The following GRIP1 variants were observed in gnomAD, a reference collection of about 807,000 sequenced individuals.
GRIP1 encodes the protein glutamate receptor-interacting protein 1.
In GRIP1, 45 loss-of-function variants were observed where a neutral mutation model predicts 129.9. The ratio of observed to expected loss-of-function variants is 0.35; its 90% CI spans 0.27 to 0.44. The LOEUF is 0.44. Ranked by LOEUF, GRIP1 falls within the 20% of genes least tolerant of loss-of-function variation. The pLI, the probability that GRIP1 is intolerant of heterozygous loss-of-function variation, is 1.00. For synonymous variants in GRIP1, 530 were observed against 520.8 expected, an observed-to-expected ratio of 1.02 and a Z score of -0.24; for missense variants, 1,196 against 1,396.8, an observed-to-expected ratio of 0.86 and a Z score of 2.29.
chr12:66,732,626 T>C (rs1248381477), intron 1 of GRIP1, among the ~76,000 whole-genome samples: 1 of 152,052 alleles, frequency 6.6e-6, no homozygotes, highest in East Asian at 1.9e-4. Context: ...AGGAAATACA[T>C]TTTCTCTTGC....
At chr12:66,591,378 C>A (rs955626338) in intron 2 of GRIP1, among the ~76,000 whole-genome samples, 1 of 152,178 alleles carries the variant, frequency 6.6e-6, no homozygotes, top group Non-Finnish European at 1.5e-5. Context: ...GCAGAGTACA[C>A]CCGGCCCTTA....
At chr12:66,512,075 T>C (rs1171072057) in intron 7 of GRIP1, among the ~76,000 whole-genome samples, 1 of 152,112 alleles carries the variant, frequency 6.6e-6, no homozygotes, top group Non-Finnish European at 1.5e-5. Flanking sequence ...AAGATGTGCC[T>C]TGCTTCTCCA....
intron 7 of GRIP1, among the ~76,000 whole-genome samples, chr12:66,469,422 T>C (rs1281242301): frequency 6.6e-6 from 1 of 152,220 alleles, no homozygotes; most frequent in Non-Finnish European, 1.5e-5. Context: ...AAAGTGATTC[T>C]TGATAACTAT....
intron 1 of GRIP1, among the ~76,000 whole-genome samples, chr12:66,729,863 C>G (rs113152738): frequency 6.6e-6 from 1 of 152,126 alleles, no homozygotes; most frequent in Non-Finnish European, 1.5e-5. Flanking sequence ...AGTGAGCCAC[C>G]GCACCCAGCC....
At chr12:66,813,735 A>G (rs1366281005) in intron 1 of GRIP1, among the ~76,000 whole-genome samples, 3 of 152,166 alleles carry the variant, frequency 2.0e-5, no homozygotes, top group Admixed American at 2.0e-4. Flanking sequence ...TGTGGAGAAT[A>G]ATAGGAGAGG....
intron 1 of GRIP1, among the ~76,000 whole-genome samples, chr12:66,738,472 C>T (rs902471186): frequency 6.6e-6 from 1 of 152,058 alleles, no homozygotes; most frequent in Non-Finnish European, 1.5e-5. Context: ...CTGCCTGCCT[C>T]GGCCTCCCAA....
At chr12:66,739,501 T>C (rs1375901662) in intron 1 of GRIP1, among the ~76,000 whole-genome samples, 2 of 152,132 alleles carry the variant, frequency 1.3e-5, no homozygotes, top group South Asian at 2.1e-4. Context: ...GTCTCAGTGA[T>C]AGCCATATTT....
intron 1 of GRIP1, among the ~76,000 whole-genome samples, chr12:66,724,129 T>C (rs555125287): frequency 1.3e-5 from 2 of 152,346 alleles, no homozygotes; most frequent in East Asian, 1.9e-4. Context: ...ATAGTTTGTA[T>C]GTAGGTCTGC....
intron 7 of GRIP1, among the ~76,000 whole-genome samples, chr12:66,506,555 G>A (rs1278816764): frequency 1.3e-5 from 2 of 152,228 alleles, no homozygotes; most frequent in East Asian, 3.9e-4. Context: ...AAACACAATG[G>A]GGCTTTTGGT....
chr12:66,632,337 G>A (rs1350865838), intron 1 of GRIP1, among the ~76,000 whole-genome samples: 4 of 152,316 alleles, frequency 2.6e-5, no homozygotes, highest in African/African-American at 9.6e-5. Flanking sequence ...AGAAGGCAAA[G>A]CCATTGTAAT....
intron 1 of GRIP1, among the ~76,000 whole-genome samples, chr12:66,991,446 T>C (rs7972805): frequency 0.41 from 62,673 of 152,020 alleles, 13,843 homozygotes; most frequent in Non-Finnish European, 0.48. Context: ...AGGAAAGAAA[T>C]ATTTCTTCCC....
intron 1 of GRIP1, among the ~76,000 whole-genome samples, chr12:66,824,876 C>T (rs11838166): frequency 0.048 from 7,234 of 152,004 alleles, 217 homozygotes; most frequent in Middle Eastern, 0.096. Flanking sequence ...AAAAATTTAA[C>T]ATCCTTTACT....
At chr12:66,741,837 G>A (rs190692441) in intron 1 of GRIP1, among the ~76,000 whole-genome samples, 1 of 152,232 alleles carries the variant, frequency 6.6e-6, no homozygotes, top group Admixed American at 6.5e-5. Context: ...ACTAATCTGT[G>A]AATATTCTTC....
chr12:66,674,033 G>A (rs2034208855), intron 1 of GRIP1, among the ~76,000 whole-genome samples: 1 of 152,168 alleles, frequency 6.6e-6, no homozygotes, highest in Non-Finnish European at 1.5e-5. Context: ...TTGGAAAGGG[G>A]TGGAAAGTTA....
At chr12:66,930,467 T>C (rs1212668486) in intron 1 of GRIP1, among the ~76,000 whole-genome samples, 3 of 151,146 alleles carry the variant, frequency 2.0e-5, no homozygotes, top group Non-Finnish European at 2.9e-5. Context: ...TAGTATTCCA[T>C]GGTGTATATG....
rs1192133037 is a variant in GRIP1 at position 66,717,397 on chromosome 12, G to A, written c.-420+86656C>T. On this transcript the variant is annotated intron_variant, in intron 1 of 4. Transcript: ENST00000538373. ...TTTGCTCACTGTAAAAAAAAAAAAA[G>A]TCACCACATGGCCCAGGAAGGTGTT... Among the ~76,000 whole-genome samples the A allele has an allele frequency of 1.2e-4, 16 of 138,836 alleles. No individual in the cohort carries two copies. The South Asian group carries it at 2.1e-3, about 18-fold the overall frequency. 91.1% of individuals were successfully genotyped at this position (138,836 alleles called of 152,430 possible).
chr12:66,386,648 GAAAAAAA>G, intron 19 of GRIP1, among the ~76,000 whole-genome samples: 1 of 150,242 alleles, frequency 6.7e-6, no homozygotes, highest in African/African-American at 2.4e-5. Flanking sequence ...AACAAAAAAA[GAAAAAAA>G]AATAGAATTC....
chr12:66,577,729 TGC>T (rs2063190684), intron 2 of GRIP1, among the ~76,000 whole-genome samples: 1 of 152,090 alleles, frequency 6.6e-6, no homozygotes, highest in African/African-American at 2.4e-5. Context: ...ATGGGAGGAT[TGC>T]TTGAGCCCAG....
chr12:66,831,100 C>T (rs1401460933), intron 1 of GRIP1, among the ~76,000 whole-genome samples: 5 of 152,066 alleles, frequency 3.3e-5, no homozygotes, highest in African/African-American at 7.2e-5. Flanking sequence ...GCAATCCTCT[C>T]GCCTCGGCCT....
Sources: allele counts gnomAD v4.1 joint callset (sites outside exome capture counted in the v4.1 genomes callset), GRCh38; gene constraint gnomAD v4.1.1; transcripts MANE v1.5; gene names NCBI Gene and HGNC (gene_info 2026-07-23, HGNC 2026-07-21).